Variants in PCYT1A observed in about 807,000 individuals in gnomAD.
PCYT1A encodes phosphate cytidylyltransferase 1A, choline.
A neutral mutation model predicts 43.7 loss-of-function variants in PCYT1A; 25 were observed. The ratio of observed to expected loss-of-function variants is 0.57; its 90% confidence interval spans 0.42 to 0.80. The LOEUF (loss-of-function observed/expected upper bound fraction) is 0.80, where lower values mean the gene tolerates loss of function less well. Ranked by LOEUF, PCYT1A falls within the 30% of genes least tolerant of loss-of-function variation. PCYT1A has a pLI of 0.00. For synonymous variants in PCYT1A, 172 were observed against 170.7 expected (o/e 1.01, Z -0.06); for missense variants, 421 against 474.2 (o/e 0.89, Z 1.04).
rs746121623 is a variant in PCYT1A at position 196,270,475 on chromosome 3, G to A, written c.57C>T (p.Pro19=). 4.2e-5 allele frequency: 67 copies of A among 1,613,970 alleles called. 2 individuals carry two copies. The highest frequency in any genetic ancestry group is 3.8e-4 in the South Asian group (35 of 91,084). ...CTTCTTCTGTTGCCCCGTTGGGTCCGGGCGCCTCTTTTCTCCTCTTCCTTG... is the reference window on the plus strand; with the variant it reads ...CTTCTTCTGTTGCCCCGTTGGGTCCAGGCGCCTCTTTTCTCCTCTTCCTTG... The part of the protein sequence containing the change: ...VNARKRRKEA[P]GPNGATEEDG... The change falls in exon 2 of 9, where the codon CCC becomes CCT. Residue 19 remains proline (P), a synonymous_variant. Coordinates refer to ENST00000431016, the MANE Select transcript of PCYT1A (RefSeq NM_001312673.2).
Position 196,270,407 on chromosome 3 carries a change from C to A in PCYT1A, c.117+8G>T. ...TACCCTCCCCCTGCCAGGTTAATCT[C>A]CACTTACCACTGCACAGCGCTGCAC... On this transcript the variant is annotated splice_region_variant and intron_variant, in intron 2 of 8. Transcript: ENST00000431016. The A allele has an allele frequency of 1.3e-6, 2 of 1,581,882 alleles. No homozygotes were observed. Among genetic ancestry groups the A allele is most frequent in the African/African-American group, 2.7e-5 (2 of 74,420 alleles).
intron 1 of PCYT1A, among the ~76,000 whole-genome samples, chr3:196,284,228 A>G (rs922998715): frequency 6.6e-6 from 1 of 152,218 alleles, no homozygotes; most frequent in Admixed American, 6.5e-5. Flanking sequence ...ATTAATAACA[A>G]TGGAAAATTA....
intron 2 of PCYT1A, among the ~76,000 whole-genome samples, chr3:196,266,365 C>A (rs1458204277): frequency 6.6e-6 from 1 of 151,332 alleles, no homozygotes; most frequent in Non-Finnish European, 1.5e-5. Context: ...CCCAGCCACT[C>A]GGGAGGCTGA....
intron 1 of PCYT1A, among the ~76,000 whole-genome samples, chr3:196,276,302 T>C: frequency 6.6e-6 from 1 of 151,844 alleles, no homozygotes; most frequent in East Asian, 1.9e-4. Context: ...AACTATTATT[T>C]ATCAATTTAA....
At chr3:196,258,029 G>C in intron 2 of PCYT1A, 142 bp from the exon 3 acceptor site, 1 of 554,590 alleles carries the variant, frequency 1.8e-6, no homozygotes. Context: ...ATTCCCGCCT[G>C]TAATCCCAGC....
At chr3:196,243,572 C>T (rs1001152633) in intron 5 of PCYT1A, among the ~76,000 whole-genome samples, 2 of 152,096 alleles carry the variant, frequency 1.3e-5, no homozygotes, top group African/African-American at 4.8e-5. Flanking sequence ...TATGGTCTCC[C>T]TCTGATGCCG....
chr3:196,249,313 A>ATTT (rs10668425), intron 3 of PCYT1A, among the ~76,000 whole-genome samples: 1,551 of 125,800 alleles, frequency 0.012, 43 homozygotes, highest in Non-Finnish European at 0.02. Context: ...TGCCCAGCTA[A>ATTT]TTTTTTTTTT....
At position 196,284,943 on chromosome 3, in the gene PCYT1A, T is replaced by C. The variant is rs116594218; in HGVS notation, c.-11+2672A>G. Among the ~76,000 whole-genome samples, 134 of 152,320 alleles carry C rather than the reference T, an allele frequency of 8.8e-4. 1 individual carries two copies. Among genetic ancestry groups the C allele is most frequent in the African/African-American group, 3.1e-3 (128 of 41,582 alleles). On this transcript the variant is annotated intron_variant, in intron 1 of 8. Coordinates refer to ENST00000431016, the MANE Select transcript of PCYT1A (RefSeq NM_001312673.2). ...TAAGTCAAGTAAACATCTAATGTGC[T>C]AGAAAAAGGTGTAACTAACCAATTT...
At chr3:196,276,935 C>CA (rs879774766) in intron 1 of PCYT1A, among the ~76,000 whole-genome samples, 588 of 136,302 alleles carry the variant, frequency 4.3e-3, no homozygotes, top group African/African-American at 0.011. Flanking sequence ...GACCCTTTCT[C>CA]AAAAAAAAAA....
chr3:196,284,854 C>A (rs938572813), intron 1 of PCYT1A, among the ~76,000 whole-genome samples: 1 of 152,198 alleles, frequency 6.6e-6, no homozygotes, highest in Non-Finnish European at 1.5e-5. Flanking sequence ...CAGTCTGTTA[C>A]CTTGAAGCAT....
In PCYT1A at chr3:196,236,090, G is replaced by A. The variant is rs1724154518; in HGVS notation, c.*2598C>T. The stretch of plus-strand genomic sequence containing the variant: ...CTGGCCCTAGCAGTCTCAGAGGCCT[G>A]TCAGCCTGCAGGTCCCGTTCCAAGC... On this transcript the variant is annotated 3_prime_UTR_variant, in exon 9 of 9. Coordinates refer to ENST00000431016, the MANE Select transcript of PCYT1A (RefSeq NM_001312673.2). 1 of 152,348 alleles carries A rather than the reference G, an allele frequency of 6.6e-6. No individual in the cohort carries two copies. Among genetic ancestry groups the A allele is most frequent in the East Asian group, 1.9e-4 (1 of 5,188 alleles). The allele number at this position is 152,348 out of a possible 1,614,324, so 9.4% of individuals were successfully genotyped here. A position where few individuals can be genotyped will look rare whatever the true frequency, so the allele number is the denominator to read the frequency against.
chr3:196,241,460 T>G lies in PCYT1A; in HGVS notation c.708+488A>C, dbSNP rs558454081. The G allele has an allele frequency of 3.2e-6, 4 of 1,260,362 alleles. No homozygotes were observed. In the Admixed American group the frequency reaches 6.9e-5, roughly 22 times the overall value. 78.1% of individuals were successfully genotyped at this position (1,260,362 alleles called of 1,614,324 possible). A position where few individuals can be genotyped will look rare whatever the true frequency, so the allele number is the denominator to read the frequency against. On this transcript the variant is annotated intron_variant, in intron 7 of 8. Transcript: ENST00000431016. ...GCCTCAGCCTCCCAAAGTACAGGCATGAACTACCATGCCCAGAAAAATATA... is the reference window on the plus strand; with the variant it reads ...GCCTCAGCCTCCCAAAGTACAGGCAGGAACTACCATGCCCAGAAAAATATA...
intron 2 of PCYT1A, among the ~76,000 whole-genome samples, chr3:196,259,645 A>G (rs1311568158): frequency 6.6e-6 from 1 of 151,890 alleles, no homozygotes; most frequent in Admixed American, 6.6e-5. Context: ...GGAGTTCAAG[A>G]CCAGCCTGGG....
At chr3:196,275,437 T>C (rs1484085332) in intron 1 of PCYT1A, among the ~76,000 whole-genome samples, 1 of 151,970 alleles carries the variant, frequency 6.6e-6, no homozygotes, top group African/African-American at 2.4e-5. Context: ...AAAAATTCAG[T>C]TTTGAAAGGA....
chr3:196,244,030 G>A (rs1480276114), intron 5 of PCYT1A, among the ~76,000 whole-genome samples: 2 of 150,508 alleles, frequency 1.3e-5, no homozygotes, highest in Non-Finnish European at 1.5e-5. Flanking sequence ...CTGCCCGGCC[G>A]CCCAGTCTGG....
Position 196,242,686 on chromosome 3 carries a change from A to T in PCYT1A, c.487-46T>A. On this transcript the variant is annotated intron_variant, in intron 5 of 8. Coordinates refer to ENST00000431016, the MANE Select transcript of PCYT1A (RefSeq NM_001312673.2). This position sits in a 1 kb window ranked among gnomAD's most constrained non-coding sequence, Gnocchi z 4.2. ...TTAAAACCCATGATAACTGCCATTC[A>T]GAAAGACCCAGTCAATGTTCTCAGG... 7.9e-7 allele frequency: 1 copy of T among 1,258,122 alleles called. No individual in the cohort carries two copies. The highest frequency in any genetic ancestry group is 1.2e-6 in the Non-Finnish European group (1 of 855,474). 77.9% of individuals were successfully genotyped at this position (1,258,122 alleles called of 1,614,324 possible). A position where few individuals can be genotyped will look rare whatever the true frequency, so the allele number is the denominator to read the frequency against.
At chr3:196,275,722 ACT>A (rs570308289) in intron 1 of PCYT1A, among the ~76,000 whole-genome samples, 119 of 148,510 alleles carry the variant, frequency 8.0e-4, no homozygotes, top group Non-Finnish European at 1.4e-3. Context: ...ACAGAGTAAG[ACT>A]CTGTCTCAAC....
chr3:196,285,939 T>C (rs770231585), intron 1 of PCYT1A, among the ~76,000 whole-genome samples: 3 of 152,174 alleles, frequency 2.0e-5, no homozygotes, highest in Non-Finnish European at 2.9e-5. Context: ...TGCCCCTATC[T>C]TGAGTTTCCT....
At chr3:196,253,101 G>T (rs750080727) in intron 3 of PCYT1A, among the ~76,000 whole-genome samples, 9 of 152,196 alleles carry the variant, frequency 5.9e-5, no homozygotes, top group Non-Finnish European at 1.3e-4. Flanking sequence ...ACTTTGGGAG[G>T]CCAAGGCAGG....
Sources: gnomAD v4.1 joint callset for allele counts (sites outside exome capture counted in the v4.1 genomes callset) on GRCh38, gnomAD v4.1.1 for gene constraint, Gnocchi (gnomAD v3.1) non-coding constraint, MANE v1.5 for transcripts, NCBI Gene and HGNC (gene_info 2026-07-23, HGNC 2026-07-21) for gene names.